The following ADRA1A variants were observed in gnomAD, a reference collection of about 807,000 sequenced individuals.
ADRA1A encodes alpha-1A adrenergic receptor.
ADRA1A carries 31 observed loss-of-function variants against 29.6 expected under a neutral mutation model. The ratio of observed to expected loss-of-function variants is 1.05; its 90% CI spans 0.79 to 1.41. The LOEUF (loss-of-function observed/expected upper bound fraction) is 1.41. Ranked by LOEUF, ADRA1A falls within the 40% of genes most tolerant of loss-of-function variation. The pLI is 0.00. For missense variants in ADRA1A, 619 were observed against 601.1 expected (o/e 1.03, Z -0.31); for synonymous variants, 311 against 254.3 (o/e 1.22, Z -2.12).
Position 26,852,627 on chromosome 8 carries a change from G to A in ADRA1A, c.883+11460C>T, listed in dbSNP as rs578196814. 4.6e-5 allele frequency among the ~76,000 whole-genome samples: 7 copies of A among 152,186 alleles called. No individual in the cohort carries two copies. The East Asian group carries it at 7.7e-4, about 17-fold the overall frequency. ...GAAAATAAAGATTATCAAATCTGAC[G>A]ATCAGAACAGACCACTATCCATGGA... is the stretch of plus-strand genomic sequence containing the variant. On this transcript the variant is annotated intron_variant, in intron 2 of 2. Transcript: ENST00000380573.
In ADRA1A at chr8:26,770,714, G is replaced by A. The variant is rs1453451621; in HGVS notation, c.884-48C>T. 10 of 1,537,502 alleles carry A rather than the reference G, an allele frequency of 6.5e-6. No homozygotes were observed. In the African/African-American group the frequency reaches 1.1e-4, roughly 17 times the overall value. Reference sequence around the variant, plus strand: ...ATACATATTATTTGAAAGCCAGCAAGCCAATTGGCTAGGAAAACAATCAAA... The same window carrying A: ...ATACATATTATTTGAAAGCCAGCAAACCAATTGGCTAGGAAAACAATCAAA... On this transcript the variant is annotated intron_variant, in intron 2 of 2. Coordinates refer to ENST00000380573, the MANE Select transcript of ADRA1A (RefSeq NM_000680.4).
chr8:26,760,091 A>T (rs1044911162), intron 2 of ADRA1A, among the ~76,000 whole-genome samples: 2 of 152,238 alleles, frequency 1.3e-5, no homozygotes, highest in African/African-American at 4.8e-5. Context: ...GGTACTATGC[A>T]GTTAGAACAG....
chr8:26,811,195 CTT>C (rs745317292), intron 2 of ADRA1A, among the ~76,000 whole-genome samples: 1 of 126,114 alleles, frequency 7.9e-6, no homozygotes, highest in Admixed American at 7.7e-5. Context: ...TCTTTCTTTT[CTT>C]TTTTTTTTTT....
chr8:26,850,161 C>T (rs1258276106), intron 2 of ADRA1A, among the ~76,000 whole-genome samples: 1 of 151,894 alleles, frequency 6.6e-6, no homozygotes, highest in Non-Finnish European at 1.5e-5. Context: ...CACTGGATCT[C>T]AAGCAATAGC....
chr8:26,765,886 T>A, downstream of ADRA1A: 1 of 1,419,494 alleles, frequency 7.0e-7, no homozygotes, highest in Non-Finnish European at 9.2e-7. Flanking sequence ...AGCAAATAGT[T>A]CCTAAAATGT....
chr8:26,769,758 C>T lies in ADRA1A; in HGVS notation c.*391G>A, dbSNP rs139925962. The T allele has an allele frequency of 5.3e-4, 531 of 995,044 alleles. 1 individual carries two copies. The African/African-American group carries it at 8.1e-3, about 15-fold the overall frequency. 61.6% of individuals were successfully genotyped at this position (995,044 alleles called of 1,614,324 possible). On this transcript the variant is annotated 3_prime_UTR_variant, in exon 3 of 3. Coordinates refer to ENST00000380573, the MANE Select transcript of ADRA1A (RefSeq NM_000680.4). ...GTTGAGCCTGAAAATAAAATCCCCT[C>T]ACTTCCATCAAGAAATAGCTCCAAA... is the stretch of plus-strand genomic sequence containing the variant.
At chr8:26,818,065 A>G (rs1034223204) in intron 2 of ADRA1A, among the ~76,000 whole-genome samples, 1 of 152,240 alleles carries the variant, frequency 6.6e-6, no homozygotes, top group Non-Finnish European at 1.5e-5. Context: ...TGAGTAAAAG[A>G]TGCCTGACTC....
chr8:26,854,288 G>A (rs1812840665), intron 2 of ADRA1A: 1 of 152,312 alleles, frequency 6.6e-6, no homozygotes, highest in Admixed American at 6.6e-5. Context: ...AACTACTCAG[G>A]AGGCTGAGAA....
At chr8:26,852,125 AC>A (rs1413313751) in intron 2 of ADRA1A, among the ~76,000 whole-genome samples, 6 of 152,180 alleles carry the variant, frequency 3.9e-5, no homozygotes, top group African/African-American at 1.4e-4. Context: ...ACAAACAACA[AC>A]AACAACAACA....
intron 2 of ADRA1A, among the ~76,000 whole-genome samples, chr8:26,838,099 C>T (rs1811522725): frequency 6.6e-6 from 1 of 152,146 alleles, no homozygotes; most frequent in Non-Finnish European, 1.5e-5. Flanking sequence ...TGAGTACAAA[C>T]CAGGACAGGC....
rs1204333058 is a variant in ADRA1A at position 26,825,411 on chromosome 8, A to T, written c.883+38676T>A. 1.3e-5 allele frequency among the ~76,000 whole-genome samples: 2 copies of T among 152,084 alleles called. No homozygotes were observed. Among genetic ancestry groups the T allele is most frequent in the Non-Finnish European group, 2.9e-5 (2 of 68,010 alleles). On this transcript the variant is annotated intron_variant, in intron 2 of 2. Coordinates refer to ENST00000380573, the MANE Select transcript of ADRA1A (RefSeq NM_000680.4). The surrounding 1 kb of genome is among the most constrained non-coding windows in gnomAD (Gnocchi z 5.7). ...ATGGGGAGGGTGGGTAGGGAGGAAG[A>T]TGGAGTTTCTTTGTTTTCTAATTCC...
intron 2 of ADRA1A, among the ~76,000 whole-genome samples, chr8:26,829,584 A>G (rs1048843289): frequency 2.0e-5 from 3 of 152,200 alleles, no homozygotes; most frequent in Non-Finnish European, 4.4e-5. Flanking sequence ...AAGGAAAAAT[A>G]ACAAGTGAAT....
chr8:26,748,616 G>C (rs934421618), exon 3 of ADRA1A: 1 of 424,686 alleles, frequency 2.4e-6, no homozygotes, highest in Admixed American at 2.6e-5. Flanking sequence ...GCGTCGGCCT[G>C]GTGGCACATC....
At chr8:26,754,509 T>A (rs886520136), downstream of ADRA1A, among the ~76,000 whole-genome samples, 1 of 152,084 alleles carries the variant, frequency 6.6e-6, no homozygotes, top group African/African-American at 2.4e-5. Context: ...CAACAATTGT[T>A]AAAGGTTACA....
In ADRA1A at chr8:26,770,579, A is replaced by G. The variant is rs1212939994; in HGVS notation, c.971T>C (p.Ile324Thr). ...LGYLNSCINPIIYPCSSQEFK... is the reference protein window; with the variant it reads ...LGYLNSCINPTIYPCSSQEFK... The stretch of plus-strand genomic sequence containing the variant: ...CTCTTGGCTGGAGCATGGGTATATG[A>G]TGGGGTTGATGCAGCTGTTTAGATA... The change falls in exon 3 of 3, where the codon ATC becomes ACC. Residue 324 changes from isoleucine to threonine, a missense_variant. Ile to Thr is a moderately conservative substitution (Grantham distance 89). Coordinates refer to ENST00000380573, the MANE Select transcript of ADRA1A (RefSeq NM_000680.4). 6.2e-7 allele frequency: 1 copy of G among 1,614,162 alleles called. No homozygotes were observed. The highest frequency in any genetic ancestry group is 1.7e-5 in the Admixed American group (1 of 60,012).
exon 3 of ADRA1A, chr8:26,756,566 T>A (rs776009199): frequency 9.0e-6 from 14 of 1,548,630 alleles, no homozygotes; most frequent in Non-Finnish European, 1.2e-5. Flanking sequence ...TTTTCCTGTA[T>A]CAGTAACAGT....
At chr8:26,786,240 A>AT (rs10714502) in intron 2 of ADRA1A, among the ~76,000 whole-genome samples, 60 of 145,940 alleles carry the variant, frequency 4.1e-4, no homozygotes, top group Admixed American at 7.5e-4. Flanking sequence ...TTATTTTTAA[A>AT]TTTTTTTTTT....
At chr8:26,803,413 T>G (rs1313192636) in intron 2 of ADRA1A, among the ~76,000 whole-genome samples, 1 of 152,220 alleles carries the variant, frequency 6.6e-6, no homozygotes, top group Non-Finnish European at 1.5e-5. Context: ...ACTATACTTA[T>G]ACTGTGCACA....
intron 2 of ADRA1A, among the ~76,000 whole-genome samples, chr8:26,850,070 G>A (rs1243679804): frequency 3.3e-5 from 3 of 90,222 alleles, no homozygotes; most frequent in South Asian, 6.6e-4. Context: ...GCAGGTATAG[G>A]AATTGAAATT....
Sources: gnomAD v4.1 joint callset for allele counts (sites outside exome capture counted in the v4.1 genomes callset) on GRCh38, gnomAD v4.1.1 for gene constraint, Gnocchi (gnomAD v3.1) non-coding constraint, MANE v1.5 for transcripts, NCBI Gene and HGNC (gene_info 2026-07-23, HGNC 2026-07-21) for gene names.